The following SOBP variants were observed in gnomAD, a reference collection of about 807,000 sequenced individuals.
SOBP encodes the protein sine oculis-binding protein homolog.
In SOBP, 4 loss-of-function variants were observed where a neutral mutation model predicts 53.6. That is an observed-to-expected ratio of 0.07 (90% CI 0.04 to 0.17). The LOEUF (loss-of-function observed/expected upper bound fraction) is 0.17, where lower values mean the gene tolerates loss of function less well. Ranked by LOEUF, SOBP falls within the 10% of genes least tolerant of loss-of-function variation. The pLI, the probability that SOBP is intolerant of heterozygous loss-of-function variation, is 1.00. For synonymous variants in SOBP, 584 were observed against 522.6 expected (o/e 1.12, Z -1.60); for missense variants, 1,088 against 1,204.7 (o/e 0.90, Z 1.43).
intron 3 of SOBP, among the ~76,000 whole-genome samples, chr6:107,508,072 T>G (rs904999008): frequency 1.3e-5 from 2 of 152,240 alleles, no homozygotes; most frequent in Non-Finnish European, 2.9e-5. Context: ...ATACTGAGTT[T>G]CAACAGCAGT....
At chr6:107,516,288 C>G (rs1783318017) in intron 3 of SOBP, among the ~76,000 whole-genome samples, 1 of 152,028 alleles carries the variant, frequency 6.6e-6, no homozygotes, top group South Asian at 2.1e-4. Flanking sequence ...ACGGCAAAAC[C>G]TAGTCTGTAC....
chr6:107,606,264 AC>A (rs1467741801), intron 5 of SOBP, among the ~76,000 whole-genome samples: 2 of 151,780 alleles, frequency 1.3e-5, no homozygotes, highest in Non-Finnish European at 2.9e-5. Context: ...TTTAGTAGAG[AC>A]AGGGTTTCAC....
chr6:107,506,352 G>C lies in SOBP; in HGVS notation c.346G>C (p.Ala116Pro). ...ATGNGLSDSPAGSKDHGSVPI... is the reference protein window; with the variant it reads ...ATGNGLSDSPPGSKDHGSVPI... ...TGGAAATGGACTCAGTGACTCACCTGCAGGGTCAAAGGATCATGGCAGTGT... is the reference window on the plus strand; with the variant it reads ...TGGAAATGGACTCAGTGACTCACCTCCAGGGTCAAAGGATCATGGCAGTGT... Residue 116 changes from alanine to proline, a missense_variant, in exon 3 of 7, where the codon GCA becomes CCA. By Grantham distance (27) the Ala-to-Pro change is conservative (BLOSUM62 -1). This residue lies in a region of SOBP where 112 missense variants were observed against 117.9 expected (regional missense o/e 0.95). Coordinates refer to ENST00000317357, the MANE Select transcript of SOBP (RefSeq NM_018013.4). The C allele has an allele frequency of 1.2e-6, 2 of 1,614,206 alleles. No homozygotes were observed. The highest frequency in any genetic ancestry group is 2.2e-5 in the East Asian group (1 of 44,880).
chr6:107,507,246 C>T (rs538095317), intron 3 of SOBP, among the ~76,000 whole-genome samples: 7 of 152,160 alleles, frequency 4.6e-5, no homozygotes, highest in East Asian at 3.9e-4. Flanking sequence ...TTATCCAACC[C>T]GTGGCCCAAC....
chr6:107,608,657 A>G (rs960686922), intron 5 of SOBP, among the ~76,000 whole-genome samples: 1 of 152,224 alleles, frequency 6.6e-6, no homozygotes, highest in Non-Finnish European at 1.5e-5. Flanking sequence ...ATCTCTTTTA[A>G]AATGAAAGTT....
chr6:107,505,792 A>G (rs1007429083), intron 2 of SOBP, among the ~76,000 whole-genome samples: 33 of 151,958 alleles, frequency 2.2e-4, no homozygotes, highest in African/African-American at 7.5e-4. Context: ...CTGGGACTAC[A>G]GGCACACATC....
chr6:107,549,033 C>T (rs766974478), intron 4 of SOBP, among the ~76,000 whole-genome samples: 6 of 151,996 alleles, frequency 3.9e-5, no homozygotes, highest in Non-Finnish European at 5.9e-5. Flanking sequence ...TTTGGGGGGC[C>T]GAGGCGGGCA....
chr6:107,546,131 C>T (rs1441671920), intron 4 of SOBP, among the ~76,000 whole-genome samples: 1 of 152,184 alleles, frequency 6.6e-6, no homozygotes, highest in East Asian at 1.9e-4. Context: ...ACACAGATGA[C>T]ATTTCGGAAA....
intron 2 of SOBP, among the ~76,000 whole-genome samples, chr6:107,504,567 A>G (rs868587265): frequency 4.2e-4 from 64 of 152,360 alleles, no homozygotes; most frequent in African/African-American, 1.5e-3. Context: ...GAAGCAGCCC[A>G]TTCAGGAAAC....
At chr6:107,522,015 G>C (rs562765537) in intron 3 of SOBP, among the ~76,000 whole-genome samples, 22 of 151,908 alleles carry the variant, frequency 1.4e-4, no homozygotes, top group African/African-American at 5.3e-4. Flanking sequence ...ATCTGACCAG[G>C]TTTGGGGTCA....
chr6:107,558,766 A>C lies in SOBP; in HGVS notation c.573+25156A>C, dbSNP rs183064007. 3.3e-3 allele frequency among the ~76,000 whole-genome samples: 496 copies of C among 152,102 alleles called. 2 individuals are homozygous for C. The highest frequency in any genetic ancestry group is 0.012 in the African/African-American group (484 of 41,536). ...TTTAGTTCCGGTATGTTAATTCATAAGATACTAGAGAGATCAGAAAAAATT... is the reference window on the plus strand; with the variant it reads ...TTTAGTTCCGGTATGTTAATTCATACGATACTAGAGAGATCAGAAAAAATT... On this transcript the variant is annotated intron_variant, in intron 4 of 6. Transcript: ENST00000317357.
At position 107,659,296 on chromosome 6, in the gene SOBP, T is replaced by C. The variant is rs1772196690; in HGVS notation, c.*1093T>C. 1 of 152,544 alleles carries C rather than the reference T, an allele frequency of 6.6e-6. No individual in the cohort carries two copies. Among genetic ancestry groups the C allele is most frequent in the African/African-American group, 2.4e-5 (1 of 41,422 alleles). The allele number at this position is 152,544 out of a possible 1,614,324, so 9.4% of individuals were successfully genotyped here. A position where few individuals can be genotyped will look rare whatever the true frequency, so the allele number is the denominator to read the frequency against. ...TTTCACTGTTTGCTTTCTCCTGTCATGGTTAAGAGAAATGTGCAATTCGAT... is the reference window on the plus strand; with the variant it reads ...TTTCACTGTTTGCTTTCTCCTGTCACGGTTAAGAGAAATGTGCAATTCGAT... On this transcript the variant is annotated 3_prime_UTR_variant, in exon 7 of 7. Coordinates refer to ENST00000317357, the MANE Select transcript of SOBP (RefSeq NM_018013.4).
At chr6:107,496,728 A>G (rs1017799775) in intron 1 of SOBP, among the ~76,000 whole-genome samples, 1 of 152,132 alleles carries the variant, frequency 6.6e-6, no homozygotes, top group Admixed American at 6.5e-5. Context: ...GGCCACCCTT[A>G]CTATTTCATT....
At chr6:107,603,581 G>A (rs1786261787) in intron 5 of SOBP, among the ~76,000 whole-genome samples, 1 of 152,184 alleles carries the variant, frequency 6.6e-6, no homozygotes, top group Non-Finnish European at 1.5e-5. Flanking sequence ...AAACACAGTG[G>A]AAAACTGTCT....
At chr6:107,500,457 G>T (rs896793258) in intron 1 of SOBP, among the ~76,000 whole-genome samples, 2 of 151,608 alleles carry the variant, frequency 1.3e-5, no homozygotes, top group African/African-American at 4.8e-5. Flanking sequence ...ATTTACTTTG[G>T]TTTAGCACCA....
At chr6:107,600,896 A>T (rs1786155077) in intron 5 of SOBP, among the ~76,000 whole-genome samples, 1 of 152,176 alleles carries the variant, frequency 6.6e-6, no homozygotes, top group African/African-American at 2.4e-5. Flanking sequence ...ATTTTTACAG[A>T]TTTCTACCCC....
chr6:107,550,774 A>G (rs1277708128), intron 4 of SOBP, among the ~76,000 whole-genome samples: 1 of 152,238 alleles, frequency 6.6e-6, no homozygotes, highest in Non-Finnish European at 1.5e-5. Flanking sequence ...AGAGCGCCAC[A>G]TGTCACACAT....
intron 1 of SOBP, among the ~76,000 whole-genome samples, chr6:107,492,166 A>G (rs983945054): frequency 3.9e-5 from 6 of 152,152 alleles, no homozygotes; most frequent in East Asian, 1.9e-4. Context: ...AATGATGGAC[A>G]GTTTTATTTT....
chr6:107,517,850 A>G (rs4946836), intron 3 of SOBP, among the ~76,000 whole-genome samples: 12,949 of 152,212 alleles, frequency 0.085, 751 homozygotes, highest in South Asian at 0.17. Flanking sequence ...TAATGGAAAA[A>G]GTTAATTACA....
Sources: allele counts gnomAD v4.1 joint callset (sites outside exome capture counted in the v4.1 genomes callset), GRCh38; gene constraint gnomAD v4.1.1; regional missense constraint gnomAD v4.1.1; transcripts MANE v1.5; gene names NCBI Gene and HGNC (gene_info 2026-07-23, HGNC 2026-07-21).